NALF1: variants seen among roughly 807,000 people sequenced by gnomAD.
The protein encoded by NALF1 is family with sequence similarity 155 member A.
A neutral mutation model predicts 48.4 loss-of-function variants in NALF1; 3 were observed. That is an observed-to-expected ratio of 0.06 (90% CI 0.03 to 0.16). The LOEUF is 0.16. Among genes scored for constraint, NALF1 ranks in the 10% least tolerant of loss-of-function variants. The pLI is 1.00. For missense variants in NALF1, 526 were observed against 571.5 expected (o/e 0.92, Z 0.81); for synonymous variants, 262 against 245.7 (o/e 1.07, Z -0.62).
At chr13:107,246,100 G>A (rs1880578489) in intron 1 of NALF1, among the ~76,000 whole-genome samples, 1 of 152,090 alleles carries the variant, frequency 6.6e-6, no homozygotes, top group Non-Finnish European at 1.5e-5. Flanking sequence ...CTGAAACCCA[G>A]AGCATTTTGC....
At chr13:107,768,876 A>G (rs1230947256) in intron 1 of NALF1, among the ~76,000 whole-genome samples, 11 of 152,150 alleles carry the variant, frequency 7.2e-5, no homozygotes, top group Non-Finnish European at 1.3e-4. Flanking sequence ...AAAAGTGGGC[A>G]AAGGACATGA....
intron 1 of NALF1, among the ~76,000 whole-genome samples, chr13:107,452,807 G>A (rs887581572): frequency 1.3e-5 from 2 of 152,176 alleles, no homozygotes; most frequent in Admixed American, 1.3e-4. Flanking sequence ...TTAAAAGCAA[G>A]TTAGTTTCTT....
intron 1 of NALF1, among the ~76,000 whole-genome samples, chr13:107,833,176 G>A (rs562007736): frequency 4.6e-5 from 7 of 152,128 alleles, no homozygotes; most frequent in South Asian, 2.1e-4. Flanking sequence ...TTGAACATAC[G>A]AAGACACGTC....
chr13:107,573,042 C>G (rs1445519200), intron 1 of NALF1, among the ~76,000 whole-genome samples: 1 of 152,096 alleles, frequency 6.6e-6, no homozygotes, highest in Admixed American at 6.5e-5. Context: ...CGGGACTCTT[C>G]CTTGCTCTTC....
chr13:107,483,724 A>G (rs962943896), intron 1 of NALF1, among the ~76,000 whole-genome samples: 1 of 152,092 alleles, frequency 6.6e-6, no homozygotes, highest in Non-Finnish European at 1.5e-5. Context: ...GGAATCTGAG[A>G]TTTAATCTCT....
chr13:107,262,066 A>C (rs540288714), intron 1 of NALF1, among the ~76,000 whole-genome samples: 4 of 152,314 alleles, frequency 2.6e-5, no homozygotes, highest in Admixed American at 6.5e-5. Flanking sequence ...TAAATGAATA[A>C]ATAAAATTCA....
intron 1 of NALF1, among the ~76,000 whole-genome samples, chr13:107,824,330 C>A (rs2138620334): frequency 6.6e-6 from 1 of 152,040 alleles, no homozygotes; most frequent in South Asian, 2.1e-4. Context: ...CCTAACATAG[C>A]CCCTGCAAAA....
At chr13:107,698,576 T>A (rs1566447940) in intron 1 of NALF1, among the ~76,000 whole-genome samples, 2 of 152,140 alleles carry the variant, frequency 1.3e-5, no homozygotes, top group African/African-American at 4.8e-5. Flanking sequence ...ATTTCCAGTA[T>A]ATGCTCTTTA....
intron 1 of NALF1, among the ~76,000 whole-genome samples, chr13:107,812,071 G>C (rs1278523402): frequency 6.6e-6 from 1 of 151,980 alleles, no homozygotes; most frequent in Non-Finnish European, 1.5e-5. Context: ...AGTATTAAGG[G>C]TTTAATACTT....
chr13:107,576,119 A>T (rs1411937498), intron 1 of NALF1, among the ~76,000 whole-genome samples: 3 of 152,150 alleles, frequency 2.0e-5, no homozygotes, highest in Admixed American at 2.0e-4. Flanking sequence ...ATCAAACCTC[A>T]TTATGTTCTC....
chr13:107,245,199 TTTTGC>T (rs1880555614), intron 1 of NALF1, among the ~76,000 whole-genome samples: 1 of 152,176 alleles, frequency 6.6e-6, no homozygotes, highest in African/African-American at 2.4e-5. Context: ...AACACTACTT[TTTTGC>T]TTTATTTAAT....
At chr13:107,781,141 T>A (rs1399832945) in intron 1 of NALF1, among the ~76,000 whole-genome samples, 2 of 152,216 alleles carry the variant, frequency 1.3e-5, no homozygotes, top group Non-Finnish European at 2.9e-5. Context: ...AACTAATTAG[T>A]ATTGTCTATG....
chr13:107,777,859 A>C (rs2138575689), intron 1 of NALF1, among the ~76,000 whole-genome samples: 1 of 152,318 alleles, frequency 6.6e-6, no homozygotes, highest in East Asian at 1.9e-4. Flanking sequence ...AAGCTTTCAA[A>C]GGCTCCCTGA....
intron 1 of NALF1, among the ~76,000 whole-genome samples, chr13:107,476,936 T>A (rs1321187148): frequency 6.6e-6 from 1 of 151,772 alleles, no homozygotes; most frequent in African/African-American, 2.4e-5. Flanking sequence ...ATGGACAATA[T>A]TTTTTTAGAA....
chr13:107,737,369 A>T (rs76000628), intron 1 of NALF1, among the ~76,000 whole-genome samples: 7,032 of 152,268 alleles, frequency 0.046, 427 homozygotes, highest in African/African-American at 0.14. Context: ...TAACATTCCA[A>T]TGTGATGTGG....
At chr13:107,190,380 C>A (rs545723218) in intron 2 of NALF1, among the ~76,000 whole-genome samples, 20 of 152,164 alleles carry the variant, frequency 1.3e-4, no homozygotes, top group Non-Finnish European at 2.9e-4. Context: ...TGTACACTCA[C>A]GCATACACAG....
At position 107,174,830 on chromosome 13, in the gene NALF1, G is replaced by GT. The variant is rs562773707; in HGVS notation, c.1088-4045dup. 1.9e-3 allele frequency among the ~76,000 whole-genome samples: 291 copies of GT among 151,926 alleles called. 3 individuals are homozygous for GT. Among genetic ancestry groups the GT allele is most frequent in the African/African-American group, 6.7e-3 (277 of 41,434 alleles). ...GCATGGAATCCTGGTGGTCAGAGTG[G>GT]TCCCCCGCCCTGAACTCCTCCTACT... On this transcript the variant is annotated intron_variant, in intron 2 of 2. Coordinates refer to ENST00000375915, the MANE Select transcript of NALF1 (RefSeq NM_001080396.3).
intron 2 of NALF1, among the ~76,000 whole-genome samples, chr13:107,196,497 A>G (rs1286735024): frequency 6.6e-6 from 1 of 152,232 alleles, no homozygotes; most frequent in Non-Finnish European, 1.5e-5. Flanking sequence ...ATAACATAGA[A>G]TATTTTTCAG....
intron 1 of NALF1, among the ~76,000 whole-genome samples, chr13:107,739,954 T>A (rs1417745775): frequency 6.6e-6 from 1 of 152,174 alleles, no homozygotes; most frequent in East Asian, 1.9e-4. Flanking sequence ...GATGGGACCA[T>A]CTAGTTACAA....
Sources: allele counts gnomAD v4.1 joint callset (sites outside exome capture counted in the v4.1 genomes callset), GRCh38; gene constraint gnomAD v4.1.1; transcripts MANE v1.5; gene names NCBI Gene and HGNC (gene_info 2026-07-23, HGNC 2026-07-21).